SDK1: variants seen among roughly 807,000 people sequenced by gnomAD.
SDK1 encodes sidekick cell adhesion molecule 1.
Under a neutral mutation model 245.5 loss-of-function variants are expected in SDK1, and 157 were observed. The ratio of observed to expected loss-of-function variants is 0.64; its 90% CI spans 0.56 to 0.73. The LOEUF is 0.73. Ranked by LOEUF, SDK1 falls within the 30% of genes least tolerant of loss-of-function variation. SDK1 has a pLI of 0.00. For missense variants in SDK1, 3,583 were observed against 3,002.3 expected, an observed-to-expected ratio of 1.19 and a Z score of -4.52; for synonymous variants, 1,647 against 1,278.5, an observed-to-expected ratio of 1.29 and a Z score of -6.15.
chr7:3,883,642 C>T (rs1015459284), intron 5 of SDK1, among the ~76,000 whole-genome samples: 4 of 152,132 alleles, frequency 2.6e-5, no homozygotes, highest in Non-Finnish European at 2.9e-5. Flanking sequence ...AAAACTGTGC[C>T]ATGAAGACAG....
chr7:3,675,537 C>G (rs1025001427), intron 4 of SDK1, among the ~76,000 whole-genome samples: 1 of 146,686 alleles, frequency 6.8e-6, no homozygotes, highest in Non-Finnish European at 1.5e-5. Context: ...TCCCCATTAC[C>G]TTTCTTCCTC....
chr7:3,879,201 A>G (rs961336874), intron 5 of SDK1, among the ~76,000 whole-genome samples: 5 of 152,206 alleles, frequency 3.3e-5, no homozygotes, highest in Non-Finnish European at 5.9e-5. Context: ...AGCCAAACCA[A>G]GCAGTTGTAA....
At chr7:3,516,751 C>T (rs1329777459) in intron 1 of SDK1, among the ~76,000 whole-genome samples, 1 of 152,090 alleles carries the variant, frequency 6.6e-6, no homozygotes, top group Non-Finnish European at 1.5e-5. Flanking sequence ...TGTTTGACAA[C>T]AGTTTGAAAG....
chr7:3,370,495 G>T (rs961313304), intron 1 of SDK1, among the ~76,000 whole-genome samples: 9 of 152,228 alleles, frequency 5.9e-5, no homozygotes, highest in African/African-American at 2.2e-4. Flanking sequence ...AATGGTGGAA[G>T]ATGATGTAAT....
intron 4 of SDK1, among the ~76,000 whole-genome samples, chr7:3,811,437 T>C (rs544418878): frequency 6.6e-6 from 1 of 152,308 alleles, no homozygotes; most frequent in South Asian, 2.1e-4. Flanking sequence ...CACATTAGAT[T>C]TTAACTTTAA....
intron 1 of SDK1, among the ~76,000 whole-genome samples, chr7:3,369,146 G>A (rs558198398): frequency 6.6e-6 from 1 of 152,174 alleles, no homozygotes; most frequent in East Asian, 1.9e-4. Flanking sequence ...CCAGGCTCAA[G>A]CAATTGTCAT....
At chr7:3,348,253 C>T (rs1035419528) in intron 1 of SDK1, among the ~76,000 whole-genome samples, 2 of 152,100 alleles carry the variant, frequency 1.3e-5, no homozygotes, top group African/African-American at 2.4e-5. Context: ...ATTTTATTAC[C>T]CTCTCTGACT....
rs1341152636 is a variant in SDK1, at chr7:4,026,613, A to C, written c.2602+9261A>C. 6.6e-6 allele frequency among the ~76,000 whole-genome samples: 1 copy of C among 152,216 alleles called. No individual in the cohort carries two copies. The highest frequency in any genetic ancestry group is 1.5e-5 in the Non-Finnish European group (1 of 68,036). ...AAAATAAGTTCAGAAAGGAACACAC[A>C]AAACTTTTTAAGTGTTAAAGTATTT... On this transcript the variant is annotated intron_variant, in intron 17 of 44. Coordinates refer to ENST00000404826, the MANE Select transcript of SDK1 (RefSeq NM_152744.4). This position sits in a 1 kb window ranked among gnomAD's most constrained non-coding sequence, Gnocchi z 4.1.
intron 1 of SDK1, among the ~76,000 whole-genome samples, chr7:3,544,244 C>G (rs970453160): frequency 6.6e-6 from 1 of 152,186 alleles, no homozygotes; most frequent in African/African-American, 2.4e-5. Context: ...ATCTTGGTTC[C>G]CAACAGTTTA....
intron 1 of SDK1, among the ~76,000 whole-genome samples, chr7:3,595,459 T>C (rs895299258): frequency 7.9e-5 from 12 of 152,098 alleles, no homozygotes; most frequent in African/African-American, 2.9e-4. Flanking sequence ...CATATTTGTA[T>C]GTATATTTTC....
At chr7:3,512,027 G>A (rs571438070) in intron 1 of SDK1, among the ~76,000 whole-genome samples, 1 of 150,460 alleles carries the variant, frequency 6.6e-6, no homozygotes, top group Non-Finnish European at 1.5e-5. Flanking sequence ...ACATTCTCTG[G>A]GTGTGGGTGA....
intron 22 of SDK1, among the ~76,000 whole-genome samples, chr7:4,106,844 C>T (rs765442014): frequency 8.6e-5 from 13 of 151,946 alleles, no homozygotes; most frequent in Admixed American, 5.2e-4. Flanking sequence ...CCCTGACCAC[C>T]GCTGACCCCG....
At chr7:3,375,031 G>A (rs550148011) in intron 1 of SDK1, among the ~76,000 whole-genome samples, 19 of 152,292 alleles carry the variant, frequency 1.2e-4, no homozygotes, top group Non-Finnish European at 2.2e-4. Context: ...GTGAATTAAT[G>A]TGCAGTGATT....
intron 2 of SDK1, among the ~76,000 whole-genome samples, chr7:3,637,524 C>T (rs886400027): frequency 7.9e-5 from 12 of 152,170 alleles, no homozygotes; most frequent in African/African-American, 1.9e-4. Context: ...TTGTGGGCTC[C>T]GGAGTTGTAA....
chr7:3,738,638 C>T (rs1018678579), intron 4 of SDK1, among the ~76,000 whole-genome samples: 6 of 152,098 alleles, frequency 3.9e-5, no homozygotes, highest in South Asian at 2.1e-4. Flanking sequence ...GTATTGACAT[C>T]GTAATAATAA....
rs1228484092 is a variant in SDK1 at position 3,641,832 on chromosome 7, T to A, written c.566-126T>A. The A allele has an allele frequency of 5.2e-6, 4 of 776,328 alleles. No individual in the cohort carries two copies. In the Admixed American group the frequency reaches 1.1e-4, roughly 21 times the overall value. The allele number at this position is 776,328 out of a possible 1,614,324, so 48.1% of individuals were successfully genotyped here. ...GGTCAGCGCTGCCGTGCAGTCTCGC[T>A]CGTCCTGGTGTGAAATGTGGCAGCA... On this transcript the variant is annotated intron_variant, in intron 3 of 44. Transcript: ENST00000404826.
intron 28 of SDK1, among the ~76,000 whole-genome samples, 190 bp from the exon 29 acceptor site, chr7:4,145,529 ACAG>A (rs1779902953): frequency 6.6e-6 from 1 of 152,122 alleles, no homozygotes; most frequent in Non-Finnish European, 1.5e-5. Flanking sequence ...AACAAGCTTC[ACAG>A]GGAAATCCAC....
intron 1 of SDK1, among the ~76,000 whole-genome samples, chr7:3,352,642 G>T (rs1023916368): frequency 1.3e-5 from 2 of 152,142 alleles, no homozygotes; most frequent in African/African-American, 4.8e-5. Context: ...AGCCACTCAT[G>T]GGCTGTCACA....
rs904458907 is a variant in SDK1, at chr7:3,716,642, C to T, written c.713+74537C>T. On this transcript the variant is annotated intron_variant, in intron 4 of 44. Coordinates refer to ENST00000404826, the MANE Select transcript of SDK1 (RefSeq NM_152744.4). ...CAGGCGTGGTGCACACCCCTGTAGT[C>T]CCAGCTACTCAGGAGGCTGAGGTGG... 4.5e-4 allele frequency among the ~76,000 whole-genome samples: 68 copies of T among 151,848 alleles called. 1 individual carries two copies. Among genetic ancestry groups the T allele is most frequent in the Non-Finnish European group, 1.5e-4 (10 of 67,964 alleles).
Sources: gnomAD v4.1 joint callset for allele counts (sites outside exome capture counted in the v4.1 genomes callset) on GRCh38, gnomAD v4.1.1 for gene constraint, Gnocchi (gnomAD v3.1) non-coding constraint, MANE v1.5 for transcripts, NCBI Gene and HGNC (gene_info 2026-07-23, HGNC 2026-07-21) for gene names.